The following ASTN1 variants were observed in gnomAD, a reference collection of about 807,000 sequenced individuals.
ASTN1 encodes astrotactin 1, also known as astrotactin-1.
Under a neutral mutation model 140.7 loss-of-function variants are expected in ASTN1, and 41 were observed. The ratio of observed to expected loss-of-function variants is 0.29; its 90% confidence interval spans 0.23 to 0.38. ASTN1 has a LOEUF of 0.38. ASTN1 is among the 10% of genes least tolerant of loss of function. ASTN1 has a pLI of 1.00. For synonymous variants in ASTN1, 640 were observed against 652.2 expected (o/e 0.98, Z 0.29); for missense variants, 1,479 against 1,678.8 (o/e 0.88, Z 2.08).
chr1:176,971,481 A>T (rs1673137786), intron 8 of ASTN1, among the ~76,000 whole-genome samples: 1 of 152,174 alleles, frequency 6.6e-6, no homozygotes, highest in South Asian at 2.1e-4. Context: ...GCCTTTGCAG[A>T]TGTTGTTTCT....
intron 1 of ASTN1, among the ~76,000 whole-genome samples, chr1:177,152,212 A>G (rs1683070864): frequency 6.6e-6 from 1 of 152,142 alleles, no homozygotes; most frequent in East Asian, 1.9e-4. Context: ...TAACTCCAAA[A>G]GATGCTACAT....
chr1:176,957,076 T>C (rs1425282085), intron 11 of ASTN1, among the ~76,000 whole-genome samples: 1 of 151,978 alleles, frequency 6.6e-6, no homozygotes. Context: ...TTATTCCATT[T>C]TTTTTTTGTA....
At chr1:177,132,529 G>T (rs1681989666) in intron 1 of ASTN1, among the ~76,000 whole-genome samples, 1 of 152,156 alleles carries the variant, frequency 6.6e-6, no homozygotes, top group Admixed American at 6.5e-5. Flanking sequence ...TATACCAGCA[G>T]CAGGGTCTCC....
At chr1:177,129,105 G>T (rs965911575) in intron 1 of ASTN1, among the ~76,000 whole-genome samples, 2 of 152,078 alleles carry the variant, frequency 1.3e-5, no homozygotes, top group Non-Finnish European at 2.9e-5. Flanking sequence ...AAAGAAACCA[G>T]ACCACATTTC....
chr1:177,086,138 G>T (rs925093021), intron 1 of ASTN1, among the ~76,000 whole-genome samples: 11 of 152,048 alleles, frequency 7.2e-5, no homozygotes, highest in African/African-American at 2.7e-4. Flanking sequence ...TGGAATTGCT[G>T]GATGTCCTGG....
At chr1:177,100,832 C>T (rs924806638) in intron 1 of ASTN1, among the ~76,000 whole-genome samples, 1 of 152,134 alleles carries the variant, frequency 6.6e-6, no homozygotes, top group Admixed American at 6.5e-5. Context: ...GTGGCTCGTG[C>T]CTGTAATCTC....
At chr1:176,953,557 T>C (rs1464973865) in intron 11 of ASTN1, among the ~76,000 whole-genome samples, 3 of 152,134 alleles carry the variant, frequency 2.0e-5, no homozygotes, top group Admixed American at 6.5e-5. Context: ...AGTGATAGCT[T>C]CCTGCCTCCA....
intron 18 of ASTN1, among the ~76,000 whole-genome samples, chr1:176,885,817 T>G (rs1036609045): frequency 2.6e-5 from 4 of 152,210 alleles, no homozygotes; most frequent in African/African-American, 9.7e-5. Flanking sequence ...ATTATACATG[T>G]GATTATAATA....
At chr1:176,926,647 T>C (rs554896110) in intron 16 of ASTN1, among the ~76,000 whole-genome samples, 1 of 152,188 alleles carries the variant, frequency 6.6e-6, no homozygotes, top group Non-Finnish European at 1.5e-5. Flanking sequence ...TTAGAGAAAA[T>C]AACTGTATGC....
At chr1:176,899,499 C>A (rs1215029479) in intron 16 of ASTN1, among the ~76,000 whole-genome samples, 8 of 152,216 alleles carry the variant, frequency 5.3e-5, no homozygotes, top group African/African-American at 1.9e-4. Flanking sequence ...CAATGAGATG[C>A]TAATGACATC....
intron 17 of ASTN1, among the ~76,000 whole-genome samples, chr1:176,890,683 T>C (rs1309843047): frequency 6.6e-6 from 1 of 152,162 alleles, no homozygotes; most frequent in Admixed American, 6.5e-5. Flanking sequence ...TAAATGTCAT[T>C]TTGCAAAAGC....
chr1:176,992,445 A>G (rs1465573161), intron 8 of ASTN1, among the ~76,000 whole-genome samples: 1 of 152,168 alleles, frequency 6.6e-6, no homozygotes, highest in Non-Finnish European at 1.5e-5. Flanking sequence ...ACGTTGTAAA[A>G]AAAAATGAGT....
At chr1:176,858,498 G>A (rs1667875484), downstream of ASTN1, among the ~76,000 whole-genome samples, 1 of 152,100 alleles carries the variant, frequency 6.6e-6, no homozygotes, top group Admixed American at 6.6e-5. Context: ...TGTTACCATG[G>A]ATGCATGCAG....
chr1:177,164,411 A>C lies in ASTN1; in HGVS notation c.266T>G (p.Leu89Arg). The C allele has an allele frequency of 6.2e-7, 1 of 1,609,410 alleles. No homozygotes were observed. Among genetic ancestry groups the C allele is most frequent in the Non-Finnish European group, 8.5e-7 (1 of 1,177,434 alleles). The change falls in exon 1 of 23, where the codon CTG (leucine) becomes CGG (arginine). Residue 89 changes from leucine to arginine, a missense_variant. Leu to Arg is a moderately radical substitution (Grantham distance 102). This residue lies in a region of ASTN1 where 729 missense variants were observed against 860.4 expected (regional missense o/e 0.85). Coordinates refer to ENST00000361833, the MANE Select transcript of ASTN1 (RefSeq NM_004319.3). ...GGACTCACCCAGCACGAAGTAGGGC[A>C]GCTCCGTGTTCTCCAGGTCGTCCAC... ...VVVDDLENTELPYFVLEISGN... is the reference protein window; with the variant it reads ...VVVDDLENTERPYFVLEISGN...
rs1463711471 is a variant in ASTN1 at position 177,136,011 on chromosome 1, T to A, written c.283+28383A>T. On this transcript the variant is annotated intron_variant, in intron 1 of 22. Coordinates refer to ENST00000361833, the MANE Select transcript of ASTN1 (RefSeq NM_004319.3). ...ATTATAAAATGAAGCAAAACAAATGTCAAACTAGATGACCTCTCTTCCTGA... is the reference window on the plus strand; with the variant it reads ...ATTATAAAATGAAGCAAAACAAATGACAAACTAGATGACCTCTCTTCCTGA... Among the ~76,000 whole-genome samples, 3 of 152,310 alleles carry A rather than the reference T, an allele frequency of 2.0e-5. No homozygotes were observed. The East Asian group carries it at 5.8e-4, about 29-fold the overall frequency.
chr1:177,151,879 G>T (rs1683053898), intron 1 of ASTN1, among the ~76,000 whole-genome samples: 1 of 152,074 alleles, frequency 6.6e-6, no homozygotes, highest in South Asian at 2.1e-4. Flanking sequence ...AGAGAAAAAG[G>T]AAATAGCCAC....
At chr1:177,004,511 C>T (rs542756741) in intron 8 of ASTN1, among the ~76,000 whole-genome samples, 133 of 151,968 alleles carry the variant, frequency 8.8e-4, no homozygotes, top group Non-Finnish European at 1.5e-3. Flanking sequence ...AACAAAAGCC[C>T]GAATAGCCAA....
rs539826803 is a variant in ASTN1, at chr1:177,018,436, T to C, written c.1439-3561A>G. The stretch of plus-strand genomic sequence containing the variant: ...CAGAGCAAGCAAAGAAGAGGGCAGC[T>C]GGTTTGAGTCTGGGAAGTGGGTCGA... On this transcript the variant is annotated intron_variant, in intron 7 of 22. Transcript: ENST00000361833. Among the ~76,000 whole-genome samples the C allele has an allele frequency of 2.0e-5, 3 of 152,324 alleles. No homozygotes were observed. In the East Asian group the frequency reaches 5.8e-4, roughly 29 times the overall value.
intron 8 of ASTN1, among the ~76,000 whole-genome samples, chr1:176,993,330 T>C (rs1674278764): frequency 6.6e-6 from 1 of 152,224 alleles, no homozygotes; most frequent in Non-Finnish European, 1.5e-5. Context: ...CCAATAGTTA[T>C]ACTGTCTTGA....
Sources: allele counts gnomAD v4.1 joint callset (sites outside exome capture counted in the v4.1 genomes callset), GRCh38; gene constraint gnomAD v4.1.1; regional missense constraint gnomAD v4.1.1; transcripts MANE v1.5; gene names NCBI Gene and HGNC (gene_info 2026-07-23, HGNC 2026-07-21).